Variants in SUFU observed in about 807,000 individuals in gnomAD.
The protein encoded by SUFU is suppressor of fused homolog.
Under a neutral mutation model 58.9 loss-of-function variants are expected in SUFU, and 7 were observed. The observed-to-expected ratio is 0.12, with a 90% CI of 0.07 to 0.22. SUFU has a LOEUF of 0.22. SUFU is among the 10% of genes least tolerant of loss of function. SUFU has a pLI of 1.00. For missense variants in SUFU, 451 were observed against 641.3 expected, an observed-to-expected ratio of 0.70 and a Z score of 3.20; for synonymous variants, 232 against 254.8, an observed-to-expected ratio of 0.91 and a Z score of 0.85.
intron 6 of SUFU, 101 bp from the exon 7 acceptor site, chr10:102,597,039 A>G (rs1267081438): frequency 7.1e-7 from 1 of 1,407,182 alleles, no homozygotes; most frequent in Non-Finnish European, 1.0e-6. Flanking sequence ...TCAGCACCAC[A>G]AGGGCTCAGT....
chr10:102,509,238 C>T lies in SUFU; in HGVS notation c.252C>T (p.Ile84=). ...ATGTGGGGAGCCCTTCTGCTAACAT[C>T]CCCGAGCACTGGCACTACATCAGCT... ...YRNVGSPSAN[I]PEHWHYISFG... The change falls in exon 2 of 12, where the codon ATC becomes ATT. Residue 84 remains isoleucine, a synonymous_variant. Transcript: ENST00000369902. 1.2e-6 allele frequency: 2 copies of T among 1,614,196 alleles called. No individual in the cohort carries two copies. The highest frequency in any genetic ancestry group is 2.2e-5 in the South Asian group (2 of 91,086).
chr10:102,568,935 T>TAA (rs1190947068), intron 3 of SUFU, among the ~76,000 whole-genome samples: 1 of 34,902 alleles, frequency 2.9e-5, no homozygotes, highest in Non-Finnish European at 5.6e-5. Context: ...TATATATATA[T>TAA]ATATATATAT....
chr10:102,607,288 G>A (rs1292492326), intron 8 of SUFU, among the ~76,000 whole-genome samples: 1 of 152,010 alleles, frequency 6.6e-6, no homozygotes, highest in Non-Finnish European at 1.5e-5. Context: ...GAGCTCAATC[G>A]ATTTTCCCAC....
At chr10:102,515,505 G>A (rs1431439812) in intron 2 of SUFU, among the ~76,000 whole-genome samples, 2 of 151,850 alleles carry the variant, frequency 1.3e-5, no homozygotes, top group South Asian at 2.1e-4. Context: ...TAGTAGAGAC[G>A]GGGTTTCACC....
chr10:102,537,350 C>T (rs969595879), intron 2 of SUFU, among the ~76,000 whole-genome samples: 1 of 151,272 alleles, frequency 6.6e-6, no homozygotes, highest in Non-Finnish European at 1.5e-5. Context: ...AGGTTGGTCG[C>T]AGACTCCTGG....
chr10:102,573,132 C>T, intron 3 of SUFU: 1 of 774,280 alleles, frequency 1.3e-6, no homozygotes, highest in Non-Finnish European at 2.3e-6. Flanking sequence ...TGGCTGTGGA[C>T]ACCTTTCAAC....
chr10:102,514,867 G>T (rs1189396262), intron 2 of SUFU, among the ~76,000 whole-genome samples: 2 of 152,242 alleles, frequency 1.3e-5, no homozygotes, highest in Admixed American at 1.3e-4. Context: ...GTTGGAGAGT[G>T]CATTTGAGAA....
At position 102,605,580 on chromosome 10, in the gene SUFU, T is replaced by C. The variant is rs970179844; in HGVS notation, c.1022+6036T>C. On this transcript the variant is annotated intron_variant, in intron 8 of 11. Transcript: ENST00000369902. ...TTTGTGGCCTTTTACTCCTATATTG[T>C]CCTTATAAGAAAATTTGTCAGAATA... is the stretch of plus-strand genomic sequence containing the variant. Among the ~76,000 whole-genome samples, 7 of 152,318 alleles carry C rather than the reference T, an allele frequency of 4.6e-5. No individual in the cohort carries two copies. The East Asian group carries it at 1.4e-3, about 30-fold the overall frequency.
intron 6 of SUFU, among the ~76,000 whole-genome samples, chr10:102,594,653 C>T (rs1283498297): frequency 6.6e-6 from 1 of 152,240 alleles, no homozygotes; most frequent in East Asian, 1.9e-4. Flanking sequence ...GTTTCAGTGT[C>T]ATCTTTGCTG....
At position 102,599,557 on chromosome 10, in the gene SUFU, G is replaced by C; in HGVS notation, c.1022+13G>C. 6.2e-7 allele frequency: 1 copy of C among 1,611,768 alleles called. No individual in the cohort carries two copies. The highest frequency in any genetic ancestry group is 1.1e-5 in the South Asian group (1 of 91,046). On this transcript the variant is annotated intron_variant, in intron 8 of 11. Transcript: ENST00000369902. ...ACGACCGGGCCCCGTAAGTTCCCCA[G>C]TGTCCCTGGGCTGGAACAAGAGGAC...
chr10:102,531,298 A>G (rs1010603613), intron 2 of SUFU, among the ~76,000 whole-genome samples: 4 of 152,104 alleles, frequency 2.6e-5, no homozygotes, highest in Admixed American at 2.6e-4. Flanking sequence ...AATTGTGTAA[A>G]CTGACAGATC....
At chr10:102,593,444 ACCCAGCCATTT>A (rs2135869590) in intron 4 of SUFU, among the ~76,000 whole-genome samples, 181 bp from the exon 5 acceptor site, 1 of 152,268 alleles carries the variant, frequency 6.6e-6, no homozygotes, top group South Asian at 2.1e-4. Flanking sequence ...CCACATGTGG[ACCCAGCCATTT>A]CCCAGCCAGG....
At chr10:102,509,060 C>G in intron 1 of SUFU, 109 bp from the exon 2 acceptor site, 1 of 1,476,988 alleles carries the variant, frequency 6.8e-7, no homozygotes, top group Non-Finnish European at 9.4e-7. Flanking sequence ...TACCTTTCAC[C>G]CAGGTTCCTC....
At chr10:102,546,557 C>T (rs2062857899) in intron 2 of SUFU, among the ~76,000 whole-genome samples, 1 of 152,208 alleles carries the variant, frequency 6.6e-6, no homozygotes, top group Non-Finnish European at 1.5e-5. Flanking sequence ...GGGCTTCATT[C>T]TCTGTTCAGA....
chr10:102,600,329 A>G (rs956801022), intron 8 of SUFU, among the ~76,000 whole-genome samples: 4 of 152,164 alleles, frequency 2.6e-5, no homozygotes, highest in Non-Finnish European at 5.9e-5. Flanking sequence ...AGGGAGGTTG[A>G]TCATCCTGCA....
At chr10:102,613,802 G>A (rs974654870) in intron 8 of SUFU, among the ~76,000 whole-genome samples, 1 of 152,226 alleles carries the variant, frequency 6.6e-6, no homozygotes. Flanking sequence ...GCAAATCTTA[G>A]AATGCAAAGG....
In SUFU at chr10:102,629,195, G is replaced by A. The variant is rs950336027; in HGVS notation, c.1366-871G>A. ...AAGACAGACCCTGTGTCTAAGTTCCGGTATCAGTCCCAGGCAGTGAGCATT... is the reference window on the plus strand; with the variant it reads ...AAGACAGACCCTGTGTCTAAGTTCCAGTATCAGTCCCAGGCAGTGAGCATT... On this transcript the variant is annotated intron_variant, in intron 11 of 11. Transcript: ENST00000369902. The surrounding 1 kb of genome is among the most constrained non-coding windows in gnomAD (Gnocchi z 4.7). Among the ~76,000 whole-genome samples, 12 of 152,174 alleles carry A rather than the reference G, an allele frequency of 7.9e-5. No homozygotes were observed. Among genetic ancestry groups the A allele is most frequent in the East Asian group, 1.9e-4 (1 of 5,194 alleles).
intron 3 of SUFU, among the ~76,000 whole-genome samples, chr10:102,569,553 C>T (rs1341944845): frequency 1.3e-5 from 2 of 152,208 alleles, no homozygotes; most frequent in African/African-American, 4.8e-5. Context: ...AGAGTCTGGC[C>T]TGAACACCAA....
At chr10:102,608,579 G>T (rs10748827) in intron 8 of SUFU, among the ~76,000 whole-genome samples, 45,931 of 152,032 alleles carry the variant, frequency 0.3, 7,234 homozygotes, top group Admixed American at 0.36. Context: ...AGAAGATAAT[G>T]GGGGGAACTT....
Sources: gnomAD v4.1 joint callset for allele counts (sites outside exome capture counted in the v4.1 genomes callset) on GRCh38, gnomAD v4.1.1 for gene constraint, Gnocchi (gnomAD v3.1) non-coding constraint, MANE v1.5 for transcripts, NCBI Gene and HGNC (gene_info 2026-07-23, HGNC 2026-07-21) for gene names.